Variants in LOXL2 observed in about 807,000 individuals in gnomAD.
LOXL2 encodes the protein lysyl oxidase homolog 2.
LOXL2 carries 70 observed loss-of-function variants against 93.0 expected under a neutral mutation model. That is an observed-to-expected ratio of 0.75 (90% CI 0.62 to 0.92). The LOEUF (loss-of-function observed/expected upper bound fraction) is 0.92, where lower values mean the gene tolerates loss of function less well. Among genes scored for constraint, LOXL2 ranks in the 40% least tolerant of loss-of-function variants. The probability of loss-of-function intolerance (pLI) is 0.00; values close to 1 mark genes in which losing one functional copy is unlikely to be tolerated. For synonymous variants in LOXL2, 438 were observed against 413.2 expected (o/e 1.06, Z -0.73); for missense variants, 973 against 1,054.9 (o/e 0.92, Z 1.08).
At chr8:23,366,169 A>T (rs1804397570) in intron 2 of LOXL2, 2 of 152,266 alleles carry the variant, frequency 1.3e-5, no homozygotes, top group South Asian at 4.1e-4. Context: ...TGAGCGTTGG[A>T]AAGCCTGGAA....
chr8:23,297,832 T>G lies in LOXL2; in HGVS notation c.*211A>C, dbSNP rs1461407514. The stretch of plus-strand genomic sequence containing the variant: ...GGACAAACCCCACCCCCGCAAGGCC[T>G]TCTCAGGCCCCAAGGGTCAGGTAGC... On this transcript the variant is annotated 3_prime_UTR_variant, in exon 14 of 14. Coordinates refer to ENST00000389131, the MANE Select transcript of LOXL2 (RefSeq NM_002318.3). The G allele has an allele frequency of 2.3e-5, 12 of 532,324 alleles. No individual in the cohort carries two copies. Among genetic ancestry groups the G allele is most frequent in the Admixed American group, 6.6e-5 (2 of 30,480 alleles). The allele number at this position is 532,324 out of a possible 1,614,324, so 33.0% of individuals were successfully genotyped here.
chr8:23,302,358 A>T (rs1803149405), intron 11 of LOXL2, among the ~76,000 whole-genome samples, 195 bp from the exon 12 acceptor site: 1 of 152,100 alleles, frequency 6.6e-6, no homozygotes, highest in South Asian at 2.1e-4. Flanking sequence ...CTCTTCTCTC[A>T]GGCCAGGCTC....
intron 6 of LOXL2, among the ~76,000 whole-genome samples, chr8:23,323,938 G>A (rs1563190314): frequency 6.6e-6 from 1 of 152,198 alleles, no homozygotes; most frequent in Non-Finnish European, 1.5e-5. Flanking sequence ...TTGACCTTGT[G>A]ATCTGCCCGC....
chr8:23,314,275 CA>C (rs1803359157), intron 9 of LOXL2, among the ~76,000 whole-genome samples: 1 of 143,112 alleles, frequency 7.0e-6, no homozygotes, highest in Non-Finnish European at 1.5e-5. Flanking sequence ...CCATTTGACC[CA>C]GCCATCCCAT....
intron 3 of LOXL2, among the ~76,000 whole-genome samples, chr8:23,347,168 A>AACACACAC (rs60464587): frequency 3.5e-5 from 5 of 141,876 alleles, no homozygotes; most frequent in South Asian, 2.3e-4. Context: ...AACACACACA[A>AACACACAC]ACACACACAC....
rs746492315 is a variant in LOXL2 at position 23,309,754 on chromosome 8, G to A, written c.1794C>T (p.Arg598=). The part of the protein sequence containing the change: ...DPTTGYRRLL[R]FSSQIHNNGQ... ...CATTGTTGTGGATCTGGGAGGAGAA[G>A]CGCAGGAGCCGGCGGTAGCCCGTGG... The change falls in exon 10 of 14, where the codon CGC becomes CGT. Residue 598 remains arginine (R), a synonymous_variant. Transcript: ENST00000389131. 2 of 1,602,414 alleles carry A rather than the reference G, an allele frequency of 1.2e-6. No individual in the cohort carries two copies. The highest frequency in any genetic ancestry group is 1.7e-6 in the Non-Finnish European group (2 of 1,174,818).
At chr8:23,299,313 G>A (rs1442241599) in intron 12 of LOXL2, among the ~76,000 whole-genome samples, 1 of 152,216 alleles carries the variant, frequency 6.6e-6, no homozygotes, top group Non-Finnish European at 1.5e-5. Context: ...AAGGGTGCAG[G>A]GAGGACCTGG....
intron 1 of LOXL2, among the ~76,000 whole-genome samples, chr8:23,400,606 A>G (rs1333283449): frequency 2.6e-5 from 4 of 152,196 alleles, no homozygotes; most frequent in East Asian, 1.9e-4. Flanking sequence ...AAGGGCTTCA[A>G]TGGGAAGCCT....
At chr8:23,324,226 T>C (rs1237788950) in intron 6 of LOXL2, among the ~76,000 whole-genome samples, 1 of 152,018 alleles carries the variant, frequency 6.6e-6, no homozygotes, top group African/African-American at 2.4e-5. Context: ...GCTGAACTTC[T>C]GTGTAAACTT....
At chr8:23,403,085 C>G (rs1427858910) in intron 1 of LOXL2, among the ~76,000 whole-genome samples, 1 of 152,140 alleles carries the variant, frequency 6.6e-6, no homozygotes, top group African/African-American at 2.4e-5. Flanking sequence ...TGGGACACCT[C>G]GAGCAGGCAG....
Position 23,340,975 on chromosome 8 carries a change from T to G in LOXL2, c.743+17A>C. 6.2e-7 allele frequency: 1 copy of G among 1,608,270 alleles called. No individual in the cohort carries two copies. Among genetic ancestry groups the G allele is most frequent in the South Asian group, 1.1e-5 (1 of 90,944 alleles). On this transcript the variant is annotated intron_variant, in intron 4 of 13. Transcript: ENST00000389131. The stretch of plus-strand genomic sequence containing the variant: ...GCGGATACCCTCAAAGCCACCCCTT[T>G]GGTGCAGTCCTCTTACTTGTACACT...
At chr8:23,314,233 G>A (rs1269721124) in intron 9 of LOXL2, among the ~76,000 whole-genome samples, 1 of 149,004 alleles carries the variant, frequency 6.7e-6, no homozygotes, top group Non-Finnish European at 1.5e-5. Context: ...AAGTCAGTGT[G>A]GCGATTCCTC....
At chr8:23,390,721 A>G (rs1804831969) in intron 1 of LOXL2, among the ~76,000 whole-genome samples, 1 of 152,230 alleles carries the variant, frequency 6.6e-6, no homozygotes, top group South Asian at 2.1e-4. Context: ...TATAAGACAC[A>G]TCTCTTCTCT....
chr8:23,308,669 A>T (rs541583857), intron 10 of LOXL2, among the ~76,000 whole-genome samples: 1 of 152,284 alleles, frequency 6.6e-6, no homozygotes, highest in Admixed American at 6.5e-5. Flanking sequence ...AAAGAAACAG[A>T]GGGAAGGTAA....
intron 8 of LOXL2, 31 bp from the exon 9 acceptor site, chr8:23,317,145 A>G (rs772586986): frequency 1.2e-6 from 2 of 1,604,476 alleles, no homozygotes; most frequent in Non-Finnish European, 1.7e-6. Flanking sequence ...AATGGTGGGT[A>G]CATCATCTCA....
At chr8:23,346,921 A>T (rs1306501892) in intron 3 of LOXL2, among the ~76,000 whole-genome samples, 1 of 152,128 alleles carries the variant, frequency 6.6e-6, no homozygotes, top group Non-Finnish European at 1.5e-5. Context: ...ATGAGTGTCA[A>T]CTCTAGCCAG....
At chr8:23,323,912 G>A (rs1447698204) in intron 6 of LOXL2, among the ~76,000 whole-genome samples, 1 of 152,186 alleles carries the variant, frequency 6.6e-6, no homozygotes, top group Non-Finnish European at 1.5e-5. Context: ...ATGTTGGCCA[G>A]GATGGTCTCG....
intron 1 of LOXL2, among the ~76,000 whole-genome samples, chr8:23,374,177 C>A (rs539654140): frequency 6.8e-6 from 1 of 147,446 alleles, no homozygotes; most frequent in East Asian, 2.0e-4. Context: ...TCAATTCCCA[C>A]CTATGAGTGA....
intron 8 of LOXL2, among the ~76,000 whole-genome samples, chr8:23,317,702 C>T (rs77974395): frequency 1.2e-3 from 183 of 152,272 alleles, no homozygotes; most frequent in African/African-American, 4.2e-3. Flanking sequence ...GCTTAGGATG[C>T]TGGGATTTAT....
Sources: gnomAD v4.1 joint callset for allele counts (sites outside exome capture counted in the v4.1 genomes callset) on GRCh38, gnomAD v4.1.1 for gene constraint, MANE v1.5 for transcripts, NCBI Gene and HGNC (gene_info 2026-07-23, HGNC 2026-07-21) for gene names.